The following SULF2 variants were observed in gnomAD, a reference collection of about 807,000 sequenced individuals.
SULF2 encodes the protein extracellular sulfatase Sulf-2.
SULF2 carries 52 observed loss-of-function variants against 107.7 expected under a neutral mutation model. The ratio of observed to expected loss-of-function variants is 0.48; its 90% CI spans 0.39 to 0.61. The LOEUF (loss-of-function observed/expected upper bound fraction) is 0.61, where lower values mean the gene tolerates loss of function less well. Among genes scored for constraint, SULF2 ranks in the 20% least tolerant of loss-of-function variants. The probability of loss-of-function intolerance (pLI) is 0.00; values close to 1 mark genes in which losing one functional copy is unlikely to be tolerated. For synonymous variants in SULF2, 460 were observed against 464.3 expected, an observed-to-expected ratio of 0.99 and a Z score of 0.12; for missense variants, 993 against 1,177.3, an observed-to-expected ratio of 0.84 and a Z score of 2.29.
intron 1 of SULF2, among the ~76,000 whole-genome samples, chr20:47,766,083 G>A (rs1255233100): frequency 6.6e-6 from 1 of 152,166 alleles, no homozygotes; most frequent in African/African-American, 2.4e-5. Flanking sequence ...GCAGGCAGAG[G>A]AAACAGAGAG....
At chr20:47,727,691 G>A (rs532213823) in intron 3 of SULF2, among the ~76,000 whole-genome samples, 1 of 152,108 alleles carries the variant, frequency 6.6e-6, no homozygotes, top group African/African-American at 2.4e-5. Context: ...CACAGGTCAC[G>A]TATCACTCAG....
At chr20:47,699,625 G>A (rs183819143) in intron 4 of SULF2, among the ~76,000 whole-genome samples, 4 of 152,216 alleles carry the variant, frequency 2.6e-5, no homozygotes, top group South Asian at 2.1e-4. Flanking sequence ...GAAACTCACC[G>A]TACAGTCCCC....
chr20:47,768,883 T>TTTTC (rs2090575218), intron 1 of SULF2, among the ~76,000 whole-genome samples: 1 of 37,324 alleles, frequency 2.7e-5, no homozygotes, highest in South Asian at 3.0e-3. Context: ...TGTGTGCGTG[T>TTTTC]TTTTTTTTTT....
chr20:47,737,519 T>C (rs2089765541), intron 2 of SULF2, among the ~76,000 whole-genome samples: 1 of 152,120 alleles, frequency 6.6e-6, no homozygotes, highest in East Asian at 1.9e-4. Flanking sequence ...GCTGAGGTGC[T>C]CTGCCATCAG....
intron 1 of SULF2, among the ~76,000 whole-genome samples, chr20:47,783,644 C>A (rs2122758338): frequency 6.6e-6 from 1 of 152,264 alleles, no homozygotes; most frequent in East Asian, 1.9e-4. Flanking sequence ...AAATAAAAAA[C>A]CCAAGAAGTA....
At chr20:47,746,368 G>A (rs1016384269) in intron 2 of SULF2, among the ~76,000 whole-genome samples, 2 of 152,172 alleles carry the variant, frequency 1.3e-5, no homozygotes, top group Non-Finnish European at 2.9e-5. Flanking sequence ...AGCCACAGGC[G>A]GGAAAGAACC....
chr20:47,746,702 C>G (rs6018665), intron 2 of SULF2, among the ~76,000 whole-genome samples: 130,146 of 152,112 alleles, frequency 0.86, 56,200 homozygotes, highest in East Asian at 0.97. Flanking sequence ...GGATGAAGCT[C>G]GAAACCATCA....
chr20:47,707,942 C>T (rs1213646687), intron 3 of SULF2, among the ~76,000 whole-genome samples: 3 of 152,112 alleles, frequency 2.0e-5, no homozygotes, highest in African/African-American at 4.8e-5. Flanking sequence ...AAAATGTTAA[C>T]AGAATCAGTG....
intron 20 of SULF2, among the ~76,000 whole-genome samples, chr20:47,658,721 T>TAA (rs1484916696): frequency 5.3e-5 from 8 of 152,134 alleles, no homozygotes; most frequent in Non-Finnish European, 1.5e-5. Flanking sequence ...GCCACACAGG[T>TAA]TTATATGCAT....
chr20:47,782,290 G>C lies in SULF2; in HGVS notation c.-101+3053C>G, dbSNP rs80013049. Among the ~76,000 whole-genome samples, 11 of 152,258 alleles carry C rather than the reference G, an allele frequency of 7.2e-5. No individual in the cohort carries two copies. The East Asian group carries it at 2.1e-3, about 29-fold the overall frequency. On this transcript the variant is annotated intron_variant, in intron 1 of 20. Coordinates refer to ENST00000688720, the MANE Select transcript of SULF2 (RefSeq NM_001387048.1). Reference sequence around the variant, plus strand: ...CCCTTTAGGCTCCAAGTGAGGCCTCGTTCCCTAGCAACCACCCCAATTAGG... The same window carrying C: ...CCCTTTAGGCTCCAAGTGAGGCCTCCTTCCCTAGCAACCACCCCAATTAGG...
chr20:47,665,634 G>A (rs1193127097), intron 13 of SULF2, among the ~76,000 whole-genome samples: 1 of 152,242 alleles, frequency 6.6e-6, no homozygotes, highest in Non-Finnish European at 1.5e-5. Flanking sequence ...TCAAAAGGGG[G>A]ACAACGTGGC....
chr20:47,687,160 G>GT (rs755422241), intron 5 of SULF2, among the ~76,000 whole-genome samples: 4 of 152,244 alleles, frequency 2.6e-5, no homozygotes, highest in Non-Finnish European at 5.9e-5. Flanking sequence ...ACAGTGAGGG[G>GT]TGACTGTTCA....
chr20:47,714,543 C>T (rs932162152), intron 3 of SULF2, among the ~76,000 whole-genome samples: 15 of 152,162 alleles, frequency 9.9e-5, no homozygotes, highest in Non-Finnish European at 1.3e-4. Flanking sequence ...GGAACCTCGT[C>T]CCTGGTCCTC....
intron 3 of SULF2, among the ~76,000 whole-genome samples, chr20:47,720,040 C>G (rs1258032149): frequency 1.8e-4 from 28 of 152,214 alleles, no homozygotes; most frequent in Admixed American, 1.8e-3. Context: ...GCTCCACCTC[C>G]CAGGTTCACG....
chr20:47,734,488 T>G (rs1186026194), intron 3 of SULF2, among the ~76,000 whole-genome samples: 2 of 152,246 alleles, frequency 1.3e-5, no homozygotes, highest in African/African-American at 4.8e-5. Context: ...CAGTATAACA[T>G]ATCACGCAGT....
At chr20:47,745,276 C>T (rs1436797653) in intron 2 of SULF2, among the ~76,000 whole-genome samples, 1 of 150,248 alleles carries the variant, frequency 6.7e-6, no homozygotes, top group Non-Finnish European at 1.5e-5. Context: ...TCCTATTAAC[C>T]AGGTACCTTG....
At chr20:47,732,729 G>C (rs2089641698) in intron 3 of SULF2, among the ~76,000 whole-genome samples, 1 of 152,186 alleles carries the variant, frequency 6.6e-6, no homozygotes, top group Non-Finnish European at 1.5e-5. Flanking sequence ...TGTAATCCTA[G>C]TTAGTGGGGA....
chr20:47,683,280 G>T (rs762208535), intron 6 of SULF2, 111 bp from the exon 7 acceptor site: 1 of 1,145,762 alleles, frequency 8.7e-7, no homozygotes, highest in Non-Finnish European at 1.2e-6. Context: ...CCCTGCTTCA[G>T]GTCTTTGCTC....
chr20:47,684,606 G>A (rs940837802), intron 5 of SULF2, 25 bp from the exon 6 acceptor site: 56 of 1,608,362 alleles, frequency 3.5e-5, no homozygotes, highest in Non-Finnish European at 4.5e-5. Context: ...CATACACATC[G>A]GTCAAACCCA....
Sources: allele counts gnomAD v4.1 joint callset (sites outside exome capture counted in the v4.1 genomes callset), GRCh38; gene constraint gnomAD v4.1.1; transcripts MANE v1.5; gene names NCBI Gene and HGNC (gene_info 2026-07-23, HGNC 2026-07-21).